KLF12: variants seen among roughly 807,000 people sequenced by gnomAD.
The protein encoded by KLF12 is Krueppel-like factor 12.
KLF12 carries 9 observed loss-of-function variants against 37.8 expected under a neutral mutation model. The observed-to-expected ratio is 0.24, with a 90% CI of 0.14 to 0.42. The LOEUF is 0.42. KLF12 is among the 10% of genes least tolerant of loss of function. The probability of loss-of-function intolerance (pLI) is 1.00; values close to 1 mark genes in which losing one functional copy is unlikely to be tolerated. For missense variants in KLF12, 411 were observed against 516.0 expected (o/e 0.80, Z 1.97); for synonymous variants, 208 against 202.1 (o/e 1.03, Z -0.25).
At chr13:74,154,584 C>T in the KLF12 span, among the ~76,000 whole-genome samples, 1 of 152,288 alleles carries the variant, frequency 6.6e-6, no homozygotes, top group East Asian at 1.9e-4. Context: ...AGAGAAGAGG[C>T]TTCCCTGAAG....
intron 1 of KLF12, among the ~76,000 whole-genome samples, chr13:74,082,508 C>A (rs1874975578): frequency 6.6e-6 from 1 of 152,166 alleles, no homozygotes; most frequent in Non-Finnish European, 1.5e-5. Context: ...ACTTGGTTCT[C>A]CCCAACCCTT....
At chr13:74,165,235 A>G in the KLF12 span, among the ~76,000 whole-genome samples, 4 of 152,108 alleles carry the variant, frequency 2.6e-5, no homozygotes, top group Non-Finnish European at 5.9e-5. Flanking sequence ...GGAATCATCA[A>G]GGAACCTGAC....
intron 3 of KLF12, among the ~76,000 whole-genome samples, chr13:73,926,757 C>A (rs576284125): frequency 6.6e-6 from 1 of 151,926 alleles, no homozygotes; most frequent in Non-Finnish European, 1.5e-5. Flanking sequence ...TTTAAGCACA[C>A]GTAGTTTCTC....
chr13:74,215,050 T>A, the KLF12 span, among the ~76,000 whole-genome samples: 15 of 152,134 alleles, frequency 9.9e-5, no homozygotes, highest in Non-Finnish European at 1.8e-4. Flanking sequence ...TGCCTCATCC[T>A]CCCAAAGTGC....
rs141013911 is a variant in KLF12 at position 73,873,458 on chromosome 13, G to A, written c.124-27085C>T. Among the ~76,000 whole-genome samples the A allele has an allele frequency of 3.8e-3, 576 of 152,224 alleles. 2 individuals are homozygous for A. The highest frequency in any genetic ancestry group is 0.013 in the African/African-American group (550 of 41,534). ...TTTGTTTAGTTTTGGTATGGTTGTT[G>A]TGTCTTTACTGTTTAGAAACCACAG... is the stretch of plus-strand genomic sequence containing the variant. On this transcript the variant is annotated intron_variant, in intron 3 of 7. Coordinates refer to ENST00000377669, the MANE Select transcript of KLF12 (RefSeq NM_007249.5).
At chr13:73,746,174 A>G (rs1439235823) in intron 6 of KLF12, among the ~76,000 whole-genome samples, 1 of 152,162 alleles carries the variant, frequency 6.6e-6, no homozygotes, top group Non-Finnish European at 1.5e-5. Context: ...TGGTTTCTTC[A>G]TGTGATAAAA....
At chr13:73,700,894 A>G (rs766725343) in intron 7 of KLF12, among the ~76,000 whole-genome samples, 2 of 152,214 alleles carry the variant, frequency 1.3e-5, no homozygotes, top group South Asian at 4.1e-4. Flanking sequence ...AAAGCACACA[A>G]TCTTATAAAC....
chr13:74,201,342 A>G, the KLF12 span, among the ~76,000 whole-genome samples: 1 of 152,180 alleles, frequency 6.6e-6, no homozygotes, highest in Admixed American at 6.5e-5. Flanking sequence ...AAGGTACCGT[A>G]AAGCTCAGAA....
At chr13:74,237,257 T>C in the KLF12 span, among the ~76,000 whole-genome samples, 4 of 131,242 alleles carry the variant, frequency 3.0e-5, no homozygotes, top group African/African-American at 1.5e-4. Context: ...GTTGTAGATA[T>C]GCGGCGTTAT....
chr13:74,150,939 A>G, the KLF12 span, among the ~76,000 whole-genome samples: 1 of 152,200 alleles, frequency 6.6e-6, no homozygotes, highest in African/African-American at 2.4e-5. Flanking sequence ...ATATTTTCAG[A>G]CTGCAGTTGA....
chr13:74,075,476 T>A (rs548977526), intron 1 of KLF12, among the ~76,000 whole-genome samples: 37 of 152,352 alleles, frequency 2.4e-4, no homozygotes, highest in African/African-American at 8.4e-4. Flanking sequence ...CAGATTAAAT[T>A]ACCCATTAAA....
chr13:73,752,182 C>T, intron 6 of KLF12, among the ~76,000 whole-genome samples: 1 of 152,016 alleles, frequency 6.6e-6, no homozygotes, highest in East Asian at 1.9e-4. Flanking sequence ...GGGGTTTTGT[C>T]ATGCTGGCCA....
chr13:74,102,077 G>C (rs1876381263), intron 1 of KLF12, among the ~76,000 whole-genome samples: 1 of 151,998 alleles, frequency 6.6e-6, no homozygotes, highest in African/African-American at 2.4e-5. Context: ...CAGTAGCCAG[G>C]CATGGTGGCA....
At chr13:73,795,159 T>C (rs141361558) in intron 5 of KLF12, among the ~76,000 whole-genome samples, 87 of 152,342 alleles carry the variant, frequency 5.7e-4, no homozygotes, top group African/African-American at 1.9e-3. Context: ...TTTTTCCCCA[T>C]GATAAAGATG....
At chr13:73,885,024 T>C (rs1299788131) in intron 3 of KLF12, among the ~76,000 whole-genome samples, 1 of 152,222 alleles carries the variant, frequency 6.6e-6, no homozygotes, top group Non-Finnish European at 1.5e-5. Context: ...AAACTCTCAG[T>C]ACTGAGATGC....
chr13:73,853,348 G>A (rs1362671225), intron 3 of KLF12, among the ~76,000 whole-genome samples: 1 of 152,064 alleles, frequency 6.6e-6, no homozygotes, highest in African/African-American at 2.4e-5. Flanking sequence ...GTTTACAGCT[G>A]ACTGCTACTC....
Position 73,974,703 on chromosome 13 carries a change from T to C in KLF12, c.33+20287A>G, listed in dbSNP as rs528588177. Reference sequence around the variant, plus strand: ...TCAATTGGAACTTAGAGTAGAAAAGTAGCTGTTTAATATACTCAAATATAA... The same window carrying C: ...TCAATTGGAACTTAGAGTAGAAAAGCAGCTGTTTAATATACTCAAATATAA... On this transcript the variant is annotated intron_variant, in intron 2 of 7. Coordinates refer to ENST00000377669, the MANE Select transcript of KLF12 (RefSeq NM_007249.5). Among the ~76,000 whole-genome samples, 6 of 152,274 alleles carry C rather than the reference T, an allele frequency of 3.9e-5. No individual in the cohort carries two copies. In the East Asian group the frequency reaches 9.6e-4, roughly 24 times the overall value.
the KLF12 span, among the ~76,000 whole-genome samples, chr13:74,196,410 T>G: frequency 6.6e-6 from 1 of 152,136 alleles, no homozygotes; most frequent in African/African-American, 2.4e-5. Context: ...ATTTTGGGTG[T>G]GCTGCAACCC....
At chr13:74,079,018 C>T (rs1468683409) in intron 1 of KLF12, among the ~76,000 whole-genome samples, 1 of 152,198 alleles carries the variant, frequency 6.6e-6, no homozygotes, top group African/African-American at 2.4e-5. Context: ...AATATGCCTG[C>T]ATCCCAGACT....
Sources: allele counts gnomAD v4.1 joint callset (sites outside exome capture counted in the v4.1 genomes callset), GRCh38; gene constraint gnomAD v4.1.1; transcripts MANE v1.5; gene names NCBI Gene and HGNC (gene_info 2026-07-23, HGNC 2026-07-21).